Variants in KPNA4 observed in about 807,000 individuals in gnomAD.
The protein encoded by KPNA4 is karyopherin subunit alpha 4, also known as importin subunit alpha-3.
In KPNA4, 13 loss-of-function variants were observed where a neutral mutation model predicts 71.3. The ratio of observed to expected loss-of-function variants is 0.18; its 90% CI spans 0.12 to 0.29. The LOEUF is 0.29. Among genes scored for constraint, KPNA4 ranks in the 10% least tolerant of loss-of-function variants. The probability of loss-of-function intolerance (pLI) is 1.00; values close to 1 mark genes in which losing one functional copy is unlikely to be tolerated. For missense variants in KPNA4, 334 were observed against 603.2 expected, an observed-to-expected ratio of 0.55 and a Z score of 4.67; for synonymous variants, 189 against 195.2, an observed-to-expected ratio of 0.97 and a Z score of 0.26.
chr3:160,549,392 C>A (rs1194831010), intron 1 of KPNA4, among the ~76,000 whole-genome samples: 1 of 152,120 alleles, frequency 6.6e-6, no homozygotes, highest in Non-Finnish European at 1.5e-5. Flanking sequence ...CTATTTTCTT[C>A]TAGTTTACCA....
At chr3:160,520,690 A>T (rs1054681609) in intron 11 of KPNA4, among the ~76,000 whole-genome samples, 1 of 152,198 alleles carries the variant, frequency 6.6e-6, no homozygotes, top group Non-Finnish European at 1.5e-5. Flanking sequence ...TCAAGTTTCT[A>T]AGAAATATTT....
rs191987543 is a variant in KPNA4, at chr3:160,496,661, C to T, written c.*5443G>A. 2 of 152,124 alleles carry T rather than the reference C, an allele frequency of 1.3e-5. No individual in the cohort carries two copies. The highest frequency in any genetic ancestry group is 4.8e-5 in the African/African-American group (2 of 41,410). 9.4% of individuals were successfully genotyped at this position (152,124 alleles called of 1,614,324 possible). ...GAATAAAAGTGGAAGAACTGATAGT[C>T]TGGAAAGGTGAAGTAATCTGGAGTA... On this transcript the variant is annotated 3_prime_UTR_variant, in exon 17 of 17. Transcript: ENST00000334256.
At chr3:160,563,925 T>C (rs959372431) in intron 1 of KPNA4, among the ~76,000 whole-genome samples, 1 of 152,102 alleles carries the variant, frequency 6.6e-6, no homozygotes, top group Non-Finnish European at 1.5e-5. Context: ...ACTAAAACGC[T>C]TGAACTACTT....
chr3:160,530,699 A>T (rs1721556722), intron 7 of KPNA4, among the ~76,000 whole-genome samples, 156 bp downstream of exon 7: 2 of 152,248 alleles, frequency 1.3e-5, no homozygotes, highest in South Asian at 4.1e-4. Context: ...CAGAATAAGA[A>T]GATTAAAGTA....
At chr3:160,526,234 A>C in intron 8 of KPNA4, 127 bp from the exon 9 acceptor site, 1 of 617,586 alleles carries the variant, frequency 1.6e-6, no homozygotes, top group Non-Finnish European at 2.5e-6. Context: ...GTTTTAGACA[A>C]TAACAAGCAG....
At chr3:160,541,049 T>C (rs181289978) in intron 1 of KPNA4, among the ~76,000 whole-genome samples, 48 of 152,378 alleles carry the variant, frequency 3.2e-4, no homozygotes, top group African/African-American at 1.1e-3. Context: ...TATGCATCCA[T>C]CACTGTATTA....
intron 11 of KPNA4, among the ~76,000 whole-genome samples, chr3:160,519,097 A>T (rs1456644588): frequency 6.6e-6 from 1 of 152,152 alleles, no homozygotes; most frequent in Non-Finnish European, 1.5e-5. Flanking sequence ...TGTTTGTAAA[A>T]TTCTGCCAAA....
rs774954082 is a variant in KPNA4 at position 160,535,644 on chromosome 3, G to GA, written c.234+16dup. The GA allele has an allele frequency of 6.9e-6, 11 of 1,584,242 alleles. No individual in the cohort carries two copies. The highest frequency in any genetic ancestry group is 1.9e-5 in the Admixed American group (1 of 52,838). ...GACAAGAAATGCAAATGAAGAGAGG[G>GA]AAAAAATCCAACTTACTTGAACAAT... On this transcript the variant is annotated intron_variant, in intron 4 of 16. Transcript: ENST00000334256.
intron 13 of KPNA4, among the ~76,000 whole-genome samples, chr3:160,513,071 G>A (rs1721132047): frequency 6.6e-6 from 1 of 152,040 alleles, no homozygotes; most frequent in Non-Finnish European, 1.5e-5. Flanking sequence ...ATCACTACAT[G>A]TAAGACAGAC....
At position 160,499,360 on chromosome 3, in the gene KPNA4, G is replaced by C. The variant is rs1460275479; in HGVS notation, c.*2744C>G. On this transcript the variant is annotated 3_prime_UTR_variant, in exon 17 of 17. Transcript: ENST00000334256. ...TTGAGGTGGTCTCAATGTTCAAAAA[G>C]ACAGTTTAAGACATGAAACGTTAAG... 6.6e-6 allele frequency: 1 copy of C among 151,814 alleles called. No individual in the cohort carries two copies. Among genetic ancestry groups the C allele is most frequent in the African/African-American group, 2.4e-5 (1 of 41,298 alleles). The allele number at this position is 151,814 out of a possible 1,614,324, so 9.4% of individuals were successfully genotyped here. A position where few individuals can be genotyped will look rare whatever the true frequency, so the allele number is the denominator to read the frequency against.
At position 160,499,831 on chromosome 3, in the gene KPNA4, C is replaced by T. The variant is rs1014502307; in HGVS notation, c.*2273G>A. On this transcript the variant is annotated 3_prime_UTR_variant, in exon 17 of 17. Transcript: ENST00000334256. ...CTTCCAATTACTGAAACCTTCTGTACTATGCTTTGTATACAATCCATCATT... is the reference window on the plus strand; with the variant it reads ...CTTCCAATTACTGAAACCTTCTGTATTATGCTTTGTATACAATCCATCATT... 1 of 152,058 alleles carries T rather than the reference C, an allele frequency of 6.6e-6. No individual in the cohort carries two copies. Among genetic ancestry groups the T allele is most frequent in the Non-Finnish European group, 1.5e-5 (1 of 67,980 alleles). 9.4% of individuals were successfully genotyped at this position (152,058 alleles called of 1,614,324 possible).
chr3:160,564,995 C>T (rs1253660088), intron 1 of KPNA4, among the ~76,000 whole-genome samples: 1 of 149,516 alleles, frequency 6.7e-6, no homozygotes, highest in Non-Finnish European at 1.5e-5. Context: ...CTAGGCCGCG[C>T]CGGCCGTACC....
At chr3:160,528,960 C>T (rs569100425) in intron 7 of KPNA4, among the ~76,000 whole-genome samples, 1 of 152,296 alleles carries the variant, frequency 6.6e-6, no homozygotes, top group East Asian at 1.9e-4. Flanking sequence ...TAGTGCCTTA[C>T]TCTGCTGCCC....
chr3:160,543,140 T>C (rs540405766), intron 1 of KPNA4, among the ~76,000 whole-genome samples: 2 of 152,266 alleles, frequency 1.3e-5, no homozygotes, highest in East Asian at 1.9e-4. Context: ...TTACATATGA[T>C]AGAAGAGAAA....
intron 16 of KPNA4, among the ~76,000 whole-genome samples, chr3:160,502,926 C>T (rs1306499609): frequency 3.3e-5 from 5 of 152,136 alleles, no homozygotes; most frequent in Non-Finnish European, 7.4e-5. Context: ...GCCTGGCCAA[C>T]GTGGCGAAAC....
chr3:160,504,348 G>A (rs1352267147), intron 16 of KPNA4, among the ~76,000 whole-genome samples: 1 of 152,122 alleles, frequency 6.6e-6, no homozygotes, highest in African/African-American at 2.4e-5. Context: ...TCTGGTGGCT[G>A]CACTGAACCA....
intron 1 of KPNA4, among the ~76,000 whole-genome samples, chr3:160,552,562 C>T (rs998471633): frequency 3.9e-5 from 6 of 152,034 alleles, no homozygotes; most frequent in Non-Finnish European, 5.9e-5. Context: ...ACGGGAGAAA[C>T]TAACATTGAG....
rs1406557597 is a variant in KPNA4 at position 160,565,456 on chromosome 3, G to GC, written c.-175dup. ...CCGCGGCCTTCTCCTCTCCCCGCCC[G>GC]CCCCCCCGCCCTAACCCCAGCGCGA... On this transcript the variant is annotated 5_prime_UTR_variant, in exon 1 of 17. Coordinates refer to ENST00000334256, the MANE Select transcript of KPNA4 (RefSeq NM_002268.5). 22 of 416,674 alleles carry GC rather than the reference G, an allele frequency of 5.3e-5. No homozygotes were observed. The highest frequency in any genetic ancestry group is 8.6e-5 in the South Asian group (4 of 46,642). 25.8% of individuals were successfully genotyped at this position (416,674 alleles called of 1,614,324 possible).
At chr3:160,563,878 C>A (rs1264244199) in intron 1 of KPNA4, among the ~76,000 whole-genome samples, 1 of 151,950 alleles carries the variant, frequency 6.6e-6, no homozygotes, top group East Asian at 1.9e-4. Flanking sequence ...GAATTAACAT[C>A]CCTGGACACT....
Sources: allele counts gnomAD v4.1 joint callset (sites outside exome capture counted in the v4.1 genomes callset), GRCh38; gene constraint gnomAD v4.1.1; transcripts MANE v1.5; gene names NCBI Gene and HGNC (gene_info 2026-07-23, HGNC 2026-07-21).